TJAP1: variants seen among roughly 807,000 people sequenced by gnomAD.
The protein encoded by TJAP1 is tight junction associated protein 1, also known as tight junction-associated protein 1.
Under a neutral mutation model 42.0 loss-of-function variants are expected in TJAP1, and 27 were observed. The ratio of observed to expected loss-of-function variants is 0.64; its 90% confidence interval spans 0.47 to 0.89. The LOEUF (loss-of-function observed/expected upper bound fraction) is 0.89. TJAP1 is among the 40% of genes least tolerant of loss of function. The pLI is 0.00. For missense variants in TJAP1, 712 were observed against 726.9 expected (o/e 0.98, Z 0.24); for synonymous variants, 257 against 288.4 (o/e 0.89, Z 1.10).
Position 43,495,410 on chromosome 6 carries a change from C to T in TJAP1, c.-121-2471C>T, listed in dbSNP as rs143358677. On this transcript the variant is annotated intron_variant, in intron 2 of 10. Transcript: ENST00000372449. The surrounding 1 kb of genome is among the most constrained non-coding windows in gnomAD (Gnocchi z 4.6). ...AATGGGCTGGATCTGGGGCACTCAG[C>T]AGATTTCAGAAGTTGGAGCTAGGGC... Among the ~76,000 whole-genome samples, 19 of 152,330 alleles carry T rather than the reference C, an allele frequency of 1.2e-4. No individual in the cohort carries two copies. In the East Asian group the frequency reaches 3.7e-3, roughly 29 times the overall value.
intron 2 of TJAP1, among the ~76,000 whole-genome samples, chr6:43,490,086 C>T (rs572794327): frequency 1.5e-4 from 23 of 152,288 alleles, no homozygotes; most frequent in African/African-American, 5.1e-4. Context: ...GGGCCTCTGT[C>T]CTCCATCCTT....
At chr6:43,497,667 C>T (rs868039451) in intron 2 of TJAP1, 3 of 152,272 alleles carry the variant, frequency 2.0e-5, no homozygotes, top group African/African-American at 7.2e-5. Context: ...CTCATCTGGG[C>T]CTGTGACAGT....
Position 43,505,094 on chromosome 6 carries a change from C to T in TJAP1, c.913C>T (p.Leu305=). ...TGCCAGGGGCTCCCCGGAGGAAGAG[C>T]TGCCCCTGCCAGCCTTTGAGAAGCT... Residue 305 remains leucine, a synonymous_variant, in exon 11 of 11, where the codon CTG becomes TTG. Coordinates refer to ENST00000372449, the Ensembl canonical transcript of TJAP1. This position sits in a 1 kb window ranked among gnomAD's most constrained non-coding sequence, Gnocchi z 5.5. 6.2e-7 allele frequency: 1 copy of T among 1,614,014 alleles called. No homozygotes were observed. The highest frequency in any genetic ancestry group is 8.5e-7 in the Non-Finnish European group (1 of 1,179,860).
chr6:43,505,970 CAG>C lies in TJAP1; in HGVS notation c.*116_*117del. ...GACCTCTCCTCTATCCAGACCCGCA[CAG>C]CTGTTTCCTGTGTGGATGGGGTCAG... is the stretch of plus-strand genomic sequence containing the variant. On this transcript the variant is annotated 3_prime_UTR_variant, in exon 11 of 11. Transcript: ENST00000372449. The surrounding 1 kb of genome is among the most constrained non-coding windows in gnomAD (Gnocchi z 5.5). 8.6e-7 allele frequency: 1 copy of C among 1,156,740 alleles called. No homozygotes were observed. Among genetic ancestry groups the C allele is most frequent in the Non-Finnish European group, 1.1e-6 (1 of 887,070 alleles). 71.7% of individuals were successfully genotyped at this position (1,156,740 alleles called of 1,614,324 possible).
intron 3 of TJAP1, 22 bp downstream of exon 3, chr6:43,497,999 T>C (rs1411592021): frequency 2.0e-5 from 3 of 152,086 alleles, no homozygotes; most frequent in Non-Finnish European, 2.9e-5. Context: ...ATGAGGCCTG[T>C]GCCCTCAGCC....
chr6:43,501,914 C>CAT (rs1790811086), intron 6 of TJAP1, among the ~76,000 whole-genome samples: 1 of 128,396 alleles, frequency 7.8e-6, no homozygotes, highest in African/African-American at 3.0e-5. Flanking sequence ...CACACACACA[C>CAT]ACACACACAC....
At chr6:43,499,281 G>A in intron 4 of TJAP1, 181 bp downstream of exon 4, 1 of 851,544 alleles carries the variant, frequency 1.2e-6, no homozygotes, top group Admixed American at 2.6e-5. Context: ...GGCTCAAGGG[G>A]GACTGTCTGT....
intron 1 of TJAP1, among the ~76,000 whole-genome samples, chr6:43,477,856 G>A (rs919464933): frequency 6.6e-6 from 1 of 152,204 alleles, no homozygotes; most frequent in Admixed American, 6.5e-5. Context: ...GGGGCAGCCA[G>A]AAGTAGGTGT....
chr6:43,505,964 C>A lies in TJAP1; in HGVS notation c.*109C>A, dbSNP rs1792292525. 3 of 1,209,546 alleles carry A rather than the reference C, an allele frequency of 2.5e-6. No homozygotes were observed. The highest frequency in any genetic ancestry group is 3.2e-6 in the Non-Finnish European group (3 of 927,662). 74.9% of individuals were successfully genotyped at this position (1,209,546 alleles called of 1,614,324 possible). A position where few individuals can be genotyped will look rare whatever the true frequency, so the allele number is the denominator to read the frequency against. On this transcript the variant is annotated 3_prime_UTR_variant, in exon 11 of 11. Coordinates refer to ENST00000372449, the Ensembl canonical transcript of TJAP1. The surrounding 1 kb of genome is among the most constrained non-coding windows in gnomAD (Gnocchi z 5.5). ...GCCCTTGACCTCTCCTCTATCCAGACCCGCACAGCTGTTTCCTGTGTGGAT... is the reference window on the plus strand; with the variant it reads ...GCCCTTGACCTCTCCTCTATCCAGAACCGCACAGCTGTTTCCTGTGTGGAT...
At chr6:43,496,690 G>A (rs1471841277) in intron 2 of TJAP1, among the ~76,000 whole-genome samples, 2 of 152,198 alleles carry the variant, frequency 1.3e-5, no homozygotes, top group Non-Finnish European at 2.9e-5. Context: ...TCATGGCCAG[G>A]GCATGTCCCG....
intron 2 of TJAP1, among the ~76,000 whole-genome samples, chr6:43,481,222 C>T (rs535684425): frequency 1.3e-5 from 2 of 152,218 alleles, no homozygotes; most frequent in African/African-American, 4.8e-5. Context: ...GTGAGGGAGC[C>T]TGCTGTGCCA....
At chr6:43,488,255 C>T (rs986391867) in intron 2 of TJAP1, among the ~76,000 whole-genome samples, 3 of 143,750 alleles carry the variant, frequency 2.1e-5, no homozygotes, top group African/African-American at 5.9e-5. Context: ...TCTTTGTTGA[C>T]TTAAGTGACC....
exon 2 of TJAP1, chr6:43,478,126 C>T (rs1261125186): frequency 1.3e-5 from 2 of 152,168 alleles, no homozygotes; most frequent in African/African-American, 4.8e-5. Context: ...CAGCATCTGC[C>T]CCAATTTCAG....
chr6:43,491,599 A>ATT lies in TJAP1; in HGVS notation c.-121-6281_-121-6280insTT, dbSNP rs1787850892. ...GCCACTGTGCCTGGCCCGATGAGAA[A>ATT]TATCTTGATGAAAATGCACTACGTC... On this transcript the variant is annotated intron_variant, in intron 2 of 10. Coordinates refer to ENST00000372449, the Ensembl canonical transcript of TJAP1. This position sits in a 1 kb window ranked among gnomAD's most constrained non-coding sequence, Gnocchi z 4.6. Among the ~76,000 whole-genome samples the ATT allele has an allele frequency of 6.6e-6, 1 of 152,296 alleles. No individual in the cohort carries two copies. The highest frequency in any genetic ancestry group is 1.9e-4 in the East Asian group (1 of 5,182).
chr6:43,486,231 C>T (rs1150799), intron 2 of TJAP1, among the ~76,000 whole-genome samples: 3 of 151,952 alleles, frequency 2.0e-5, no homozygotes, highest in Non-Finnish European at 4.4e-5. Flanking sequence ...TCCCAAAGTG[C>T]AGGGATTACA....
At chr6:43,484,514 A>C (rs963687966) in intron 2 of TJAP1, among the ~76,000 whole-genome samples, 6 of 152,328 alleles carry the variant, frequency 3.9e-5, no homozygotes, top group Admixed American at 6.5e-5. Context: ...TGAATGAATA[A>C]ATTTCCCATT....
intron 5 of TJAP1, 46 bp downstream of exon 5, chr6:43,500,818 C>T: frequency 6.2e-7 from 1 of 1,608,760 alleles, no homozygotes; most frequent in Middle Eastern, 1.7e-4. Flanking sequence ...AACTCTGTCC[C>T]TCTTAGCTCC....
intron 2 of TJAP1, among the ~76,000 whole-genome samples, chr6:43,488,072 ATGT>A (rs1786960731): frequency 6.6e-6 from 1 of 152,098 alleles, no homozygotes; most frequent in African/African-American, 2.4e-5. Context: ...GGGTTTCACC[ATGT>A]TGGCCAGGCT....
At chr6:43,493,886 A>G (rs993739580) in intron 2 of TJAP1, among the ~76,000 whole-genome samples, 4 of 152,158 alleles carry the variant, frequency 2.6e-5, no homozygotes, top group African/African-American at 7.2e-5. Flanking sequence ...GGGAGCAGGT[A>G]TAAGTCCCAC....
Sources: allele counts gnomAD v4.1 joint callset (sites outside exome capture counted in the v4.1 genomes callset), GRCh38; gene constraint gnomAD v4.1.1; non-coding constraint Gnocchi (gnomAD v3.1); transcripts MANE v1.5; gene names NCBI Gene and HGNC (gene_info 2026-07-23, HGNC 2026-07-21).